Variants in MED27 observed in about 807,000 individuals in gnomAD.
The protein encoded by MED27 is mediator of RNA polymerase II transcription subunit 27.
A neutral mutation model predicts 38.2 loss-of-function variants in MED27; 30 were observed. The ratio of observed to expected loss-of-function variants is 0.79; its 90% CI spans 0.59 to 1.07. MED27 has a LOEUF of 1.07. Ranked by LOEUF, MED27 falls within the 50% of genes least tolerant of loss-of-function variation. The probability of loss-of-function intolerance (pLI) is 0.00; values close to 1 mark genes in which losing one functional copy is unlikely to be tolerated. For synonymous variants in MED27, 122 were observed against 153.5 expected, an observed-to-expected ratio of 0.79 and a Z score of 1.52; for missense variants, 289 against 397.5, an observed-to-expected ratio of 0.73 and a Z score of 2.32.
At chr9:132,048,408 A>G (rs1436732961) in intron 2 of MED27, among the ~76,000 whole-genome samples, 2 of 152,236 alleles carry the variant, frequency 1.3e-5, no homozygotes, top group African/African-American at 4.8e-5. Context: ...CAGAACTTTC[A>G]TATCAGACCA....
intron 2 of MED27, among the ~76,000 whole-genome samples, chr9:132,024,183 A>T (rs1832771090): frequency 6.6e-6 from 1 of 152,236 alleles, no homozygotes; most frequent in South Asian, 2.1e-4. Context: ...TATCAGCTCA[A>T]TAAGAAAGGC....
chr9:132,049,151 C>T (rs1384372437), intron 2 of MED27, among the ~76,000 whole-genome samples: 3 of 152,168 alleles, frequency 2.0e-5, no homozygotes, highest in Non-Finnish European at 4.4e-5. Flanking sequence ...AGAGCCTAAC[C>T]ACCTCATTGT....
intron 2 of MED27, among the ~76,000 whole-genome samples, chr9:132,017,239 A>T (rs1190495132): frequency 6.6e-6 from 1 of 152,158 alleles, no homozygotes; most frequent in Non-Finnish European, 1.5e-5. Context: ...ATTCCATGCA[A>T]CACAGTTTAG....
chr9:131,911,412 TG>T (rs1388048271), intron 4 of MED27, among the ~76,000 whole-genome samples: 7 of 152,212 alleles, frequency 4.6e-5, no homozygotes, highest in African/African-American at 1.7e-4. Context: ...TAGCTTTGCT[TG>T]GTTCCATGGT....
intron 3 of MED27, among the ~76,000 whole-genome samples, chr9:131,978,959 C>G (rs191361068): frequency 1.3e-5 from 2 of 152,214 alleles, no homozygotes; most frequent in Non-Finnish European, 2.9e-5. Context: ...TTCCTTTATA[C>G]TACAAAGCCC....
chr9:131,923,149 C>T (rs150414803), intron 4 of MED27, among the ~76,000 whole-genome samples: 1 of 152,320 alleles, frequency 6.6e-6, no homozygotes, highest in East Asian at 1.9e-4. Flanking sequence ...GAAACGTGCA[C>T]TCCTGTGTAC....
Position 131,880,100 on chromosome 9 carries a change from G to A in MED27, c.723+3958C>T, listed in dbSNP as rs1257219419. On this transcript the variant is annotated intron_variant, in intron 6 of 7. Coordinates refer to ENST00000292035, the MANE Select transcript of MED27 (RefSeq NM_004269.4). ...CCACTGAGATGAACACGACGAAATA[G>A]GCACGCCAGTCACCGCCCTGGGATG... Among the ~76,000 whole-genome samples, 3 of 152,324 alleles carry A rather than the reference G, an allele frequency of 2.0e-5. No homozygotes were observed. The East Asian group carries it at 5.8e-4, about 29-fold the overall frequency.
chr9:131,953,205 C>T (rs1456277223), intron 3 of MED27, among the ~76,000 whole-genome samples: 1 of 152,210 alleles, frequency 6.6e-6, no homozygotes, highest in African/African-American at 2.4e-5. Flanking sequence ...GAAGGATCTG[C>T]CTCCCTGAGA....
intron 2 of MED27, among the ~76,000 whole-genome samples, chr9:132,066,175 C>A (rs990597941): frequency 6.6e-6 from 1 of 152,226 alleles, no homozygotes; most frequent in Non-Finnish European, 1.5e-5. Flanking sequence ...GTGTGGTCAG[C>A]GTGACTGCCC....
chr9:131,943,931 C>T (rs930693237), intron 3 of MED27, among the ~76,000 whole-genome samples: 3 of 152,132 alleles, frequency 2.0e-5, no homozygotes, highest in African/African-American at 4.8e-5. Context: ...TCAGTATGTT[C>T]GGATAGAAAA....
intron 3 of MED27, among the ~76,000 whole-genome samples, chr9:131,976,315 C>T (rs1326903356): frequency 6.6e-6 from 1 of 152,188 alleles, no homozygotes; most frequent in East Asian, 1.9e-4. Flanking sequence ...ATCCAGGCAT[C>T]AAAGCATACC....
At chr9:131,965,293 T>G (rs768182809) in intron 3 of MED27, among the ~76,000 whole-genome samples, 4 of 152,224 alleles carry the variant, frequency 2.6e-5, no homozygotes, top group African/African-American at 4.8e-5. Flanking sequence ...CACAGTGGAA[T>G]GTGCTTCTAG....
intron 2 of MED27, among the ~76,000 whole-genome samples, chr9:132,032,397 A>G (rs1008037796): frequency 6.6e-6 from 1 of 152,136 alleles, no homozygotes; most frequent in Non-Finnish European, 1.5e-5. Context: ...CCACCTGTCA[A>G]GCCCACACAT....
At chr9:131,871,818 A>G (rs1838840287) in intron 6 of MED27, among the ~76,000 whole-genome samples, 1 of 152,190 alleles carries the variant, frequency 6.6e-6, no homozygotes, top group South Asian at 2.1e-4. Context: ...TGCTGGGGTT[A>G]TGGGCCAACC....
chr9:131,907,365 G>A (rs1489697777), intron 4 of MED27, among the ~76,000 whole-genome samples: 1 of 152,154 alleles, frequency 6.6e-6, no homozygotes, highest in East Asian at 1.9e-4. Context: ...CTGCAGGCAC[G>A]CGCCGCCACG....
At chr9:131,959,456 C>A (rs1252401488) in intron 3 of MED27, among the ~76,000 whole-genome samples, 1 of 152,160 alleles carries the variant, frequency 6.6e-6, no homozygotes, top group Non-Finnish European at 1.5e-5. Context: ...GCAGTGTAAT[C>A]AGCTGAAAAA....
At chr9:131,971,357 A>T (rs1831471675) in intron 3 of MED27, among the ~76,000 whole-genome samples, 1 of 152,234 alleles carries the variant, frequency 6.6e-6, no homozygotes, top group Non-Finnish European at 1.5e-5. Flanking sequence ...CTTAGCAAGG[A>T]CAGGGGGAGA....
At chr9:131,975,354 G>A (rs930580461) in intron 3 of MED27, among the ~76,000 whole-genome samples, 1 of 152,220 alleles carries the variant, frequency 6.6e-6, no homozygotes, top group Non-Finnish European at 1.5e-5. Flanking sequence ...TCCAGACCAA[G>A]TTACTATTCC....
At chr9:131,900,991 A>G (rs1441460447) in intron 4 of MED27, among the ~76,000 whole-genome samples, 1 of 142,812 alleles carries the variant, frequency 7.0e-6, no homozygotes, top group African/African-American at 2.6e-5. Context: ...GAGAGGAGAG[A>G]GACACAGAGG....
Sources: allele counts gnomAD v4.1 joint callset (sites outside exome capture counted in the v4.1 genomes callset), GRCh38; gene constraint gnomAD v4.1.1; transcripts MANE v1.5; gene names NCBI Gene and HGNC (gene_info 2026-07-23, HGNC 2026-07-21).